CNTN3: variants seen among roughly 807,000 people sequenced by gnomAD.
CNTN3 encodes contactin 3, also known as contactin-3.
A neutral mutation model predicts 119.1 loss-of-function variants in CNTN3; 60 were observed. That is an observed-to-expected ratio of 0.50 (90% CI 0.41 to 0.62). The LOEUF (loss-of-function observed/expected upper bound fraction) is 0.62, where lower values mean the gene tolerates loss of function less well. CNTN3 is among the 20% of genes least tolerant of loss of function. CNTN3 has a pLI of 0.00. For synonymous variants in CNTN3, 450 were observed against 438.7 expected, an observed-to-expected ratio of 1.03 and a Z score of -0.32; for missense variants, 1,101 against 1,242.4, an observed-to-expected ratio of 0.89 and a Z score of 1.71.
intron 13 of CNTN3, among the ~76,000 whole-genome samples, chr3:74,312,073 G>GA (rs201150901): frequency 0.016 from 2,383 of 149,328 alleles, 20 homozygotes; most frequent in Middle Eastern, 0.021. Flanking sequence ...GTGAATATTG[G>GA]AAAAAAAAAA....
chr3:74,499,755 A>T lies in CNTN3; in HGVS notation c.86T>A (p.Ile29Asn), dbSNP rs1272654064. ...GAAAATGCTGTTGCTGGGTTCTTTG[A>T]TAAATACAGGGCCTTGTAAGAGAAG... ...GELLLQGPVF[I>N]KEPSNSIFPV... The change falls in exon 3 of 23, where the codon ATC becomes AAC. Residue 29 changes from isoleucine (I) to asparagine (N), a missense_variant. By Grantham distance (149) the Ile-to-Asn change is moderately radical. Transcript: ENST00000263665. 6.2e-7 allele frequency: 1 copy of T among 1,611,298 alleles called. No individual in the cohort carries two copies. Among genetic ancestry groups the T allele is most frequent in the Admixed American group, 1.7e-5 (1 of 59,830 alleles).
chr3:74,499,366 T>C (rs1329567728), intron 3 of CNTN3, among the ~76,000 whole-genome samples: 2 of 151,960 alleles, frequency 1.3e-5, no homozygotes, highest in Non-Finnish European at 2.9e-5. Flanking sequence ...ACAATGAATG[T>C]GTTCTTGACA....
At chr3:74,280,176 A>G (rs563614471) in intron 20 of CNTN3, among the ~76,000 whole-genome samples, 1 of 152,252 alleles carries the variant, frequency 6.6e-6, no homozygotes, top group East Asian at 1.9e-4. Context: ...ACAAATAAAA[A>G]AAGTTGAATT....
At chr3:74,277,086 G>C (rs999384127) in intron 20 of CNTN3, among the ~76,000 whole-genome samples, 2 of 152,058 alleles carry the variant, frequency 1.3e-5, no homozygotes, top group African/African-American at 2.4e-5. Context: ...AAATCAGGAA[G>C]AATTAGATAC....
intron 1 of CNTN3, among the ~76,000 whole-genome samples, chr3:74,590,685 C>T (rs1704686803): frequency 6.6e-6 from 1 of 152,010 alleles, no homozygotes; most frequent in Admixed American, 6.6e-5. Context: ...GAGAGAAAAA[C>T]CTACTCATTG....
chr3:74,388,674 C>A (rs886306380), intron 5 of CNTN3, among the ~76,000 whole-genome samples: 1 of 152,110 alleles, frequency 6.6e-6, no homozygotes, highest in Non-Finnish European at 1.5e-5. Context: ...TATACCCTAC[C>A]CTTTTTTCTT....
At chr3:74,312,830 A>C (rs1178743850) in intron 13 of CNTN3, among the ~76,000 whole-genome samples, 1 of 152,234 alleles carries the variant, frequency 6.6e-6, no homozygotes, top group African/African-American at 2.4e-5. Context: ...GAGACTGAAC[A>C]AGCATCAGAA....
intron 1 of CNTN3, among the ~76,000 whole-genome samples, chr3:74,588,134 C>T (rs1704631094): frequency 6.6e-6 from 1 of 152,046 alleles, no homozygotes; most frequent in African/African-American, 2.4e-5. Flanking sequence ...GGATGAAGCC[C>T]ACTTGACCAT....
chr3:74,420,877 C>A (rs1475600511), intron 5 of CNTN3, among the ~76,000 whole-genome samples: 3 of 152,156 alleles, frequency 2.0e-5, no homozygotes, highest in Non-Finnish European at 4.4e-5. Context: ...TAAATAAAAG[C>A]TGGAGGGTTT....
At chr3:74,495,383 A>G (rs549229311) in intron 3 of CNTN3, among the ~76,000 whole-genome samples, 14 of 152,172 alleles carry the variant, frequency 9.2e-5, no homozygotes, top group African/African-American at 3.4e-4. Flanking sequence ...ATGCTATATT[A>G]TGATAGACTA....
chr3:74,557,010 G>C (rs1704079189), intron 1 of CNTN3, among the ~76,000 whole-genome samples: 1 of 152,064 alleles, frequency 6.6e-6, no homozygotes, highest in South Asian at 2.1e-4. Context: ...TGCATCGTGA[G>C]AGTTTTTTTG....
intron 4 of CNTN3, among the ~76,000 whole-genome samples, chr3:74,449,015 C>G (rs975690174): frequency 2.0e-5 from 3 of 152,034 alleles, no homozygotes; most frequent in Non-Finnish European, 2.9e-5. Context: ...ATTAATGTCT[C>G]CCAGGTGCCT....
chr3:74,418,342 C>CTTTTTTTTTT (rs56258495), intron 5 of CNTN3, among the ~76,000 whole-genome samples: 1,421 of 99,496 alleles, frequency 0.014, 46 homozygotes, highest in Admixed American at 0.019. Context: ...AAACATATTC[C>CTTTTTTTTTT]TTTTTTTTTT....
intron 13 of CNTN3, among the ~76,000 whole-genome samples, chr3:74,325,672 C>T (rs1323397748): frequency 6.6e-6 from 1 of 152,152 alleles, no homozygotes; most frequent in African/African-American, 2.4e-5. Context: ...AAAGAGCTAA[C>T]TTCTGTTGTC....
intron 4 of CNTN3, among the ~76,000 whole-genome samples, chr3:74,462,799 G>A (rs1702393856): frequency 6.6e-6 from 1 of 152,050 alleles, no homozygotes; most frequent in South Asian, 2.1e-4. Flanking sequence ...ATTCACCTTT[G>A]ATCCCCTTAT....
chr3:74,287,783 C>T (rs1273135469), intron 19 of CNTN3, among the ~76,000 whole-genome samples: 3 of 152,056 alleles, frequency 2.0e-5, no homozygotes, highest in Non-Finnish European at 4.4e-5. Context: ...TATTTATTAC[C>T]CTGCATTCCC....
At chr3:74,270,155 T>C (rs546193946) in intron 20 of CNTN3, among the ~76,000 whole-genome samples, 12 of 152,300 alleles carry the variant, frequency 7.9e-5, no homozygotes, top group African/African-American at 2.9e-4. Context: ...CTCACTGATG[T>C]TGGCGTTGGC....
rs182260041 is a variant in CNTN3, at chr3:74,298,983, G to C, written c.2167-792C>G. ...GCACTTTGGGAGGCCAAGGCACCTC[G>C]ATCATTTGAGGTTAGGAGTTTGAGA... On this transcript the variant is annotated intron_variant, in intron 17 of 22. Coordinates refer to ENST00000263665, the MANE Select transcript of CNTN3 (RefSeq NM_020872.3). Among the ~76,000 whole-genome samples the C allele has an allele frequency of 3.3e-5, 5 of 151,914 alleles. No homozygotes were observed. In the East Asian group the frequency reaches 7.7e-4, roughly 23 times the overall value.
chr3:74,426,238 C>T (rs1701693441), intron 4 of CNTN3, among the ~76,000 whole-genome samples: 1 of 152,238 alleles, frequency 6.6e-6, no homozygotes, highest in East Asian at 1.9e-4. Flanking sequence ...AAGAATTACA[C>T]CGTTAATATA....
Sources: gnomAD v4.1 joint callset for allele counts (sites outside exome capture counted in the v4.1 genomes callset) on GRCh38, gnomAD v4.1.1 for gene constraint, MANE v1.5 for transcripts, NCBI Gene and HGNC (gene_info 2026-07-23, HGNC 2026-07-21) for gene names.